AIG1: variants seen among roughly 807,000 people sequenced by gnomAD.
The protein encoded by AIG1 is androgen induced 1, also known as androgen-induced gene 1 protein.
A neutral mutation model predicts 31.4 loss-of-function variants in AIG1; 23 were observed. That is an observed-to-expected ratio of 0.73 (90% CI 0.53 to 1.04). AIG1 has a LOEUF of 1.04. Among genes scored for constraint, AIG1 ranks in the 50% least tolerant of loss-of-function variants. The pLI, the probability that AIG1 is intolerant of heterozygous loss-of-function variation, is 0.00. For missense variants in AIG1, 274 were observed against 295.0 expected (o/e 0.93, Z 0.52); for synonymous variants, 100 against 110.5 (o/e 0.90, Z 0.60).
chr6:143,304,437 C>A (rs570883185), intron 4 of AIG1, among the ~76,000 whole-genome samples: 1 of 151,784 alleles, frequency 6.6e-6, no homozygotes, highest in African/African-American at 2.4e-5. Context: ...TAGCATGAAG[C>A]GTTGTTGAAT....
intron 3 of AIG1, among the ~76,000 whole-genome samples, chr6:143,218,678 C>T (rs1042401113): frequency 1.3e-5 from 2 of 152,042 alleles, no homozygotes; most frequent in Admixed American, 6.6e-5. Flanking sequence ...TACAAGATGG[C>T]GATTCTTAAA....
chr6:143,169,615 C>T (rs1185135463), intron 3 of AIG1, among the ~76,000 whole-genome samples: 1 of 152,072 alleles, frequency 6.6e-6, no homozygotes, highest in Non-Finnish European at 1.5e-5. Flanking sequence ...GGCTACCCTT[C>T]CCAACCTCTA....
chr6:143,138,737 C>T (rs1344802018), intron 2 of AIG1, among the ~76,000 whole-genome samples: 1 of 151,728 alleles, frequency 6.6e-6, no homozygotes, highest in Non-Finnish European at 1.5e-5. Flanking sequence ...ACTAAAAATA[C>T]AAAAAATGAG....
intron 2 of AIG1, among the ~76,000 whole-genome samples, chr6:143,144,648 A>G (rs1485325005): frequency 3.9e-5 from 6 of 152,212 alleles, no homozygotes; most frequent in Admixed American, 2.6e-4. Context: ...TCACTCTTTC[A>G]CTTCATTCAA....
intron 3 of AIG1, among the ~76,000 whole-genome samples, chr6:143,211,827 A>T (rs1452210420): frequency 6.6e-6 from 1 of 151,630 alleles, no homozygotes; most frequent in Non-Finnish European, 1.5e-5. Context: ...CAGGATGTGG[A>T]GGTTGCAGTG....
chr6:143,261,729 G>C (rs1048183535), intron 3 of AIG1, among the ~76,000 whole-genome samples: 1 of 152,094 alleles, frequency 6.6e-6, no homozygotes, highest in African/African-American at 2.4e-5. Context: ...AGTTCACAAA[G>C]ATGGAAAGTT....
At chr6:143,204,621 GAACT>G (rs1383143723) in intron 3 of AIG1, among the ~76,000 whole-genome samples, 1 of 152,072 alleles carries the variant, frequency 6.6e-6, no homozygotes, top group African/African-American at 2.4e-5. Flanking sequence ...TCAAGCATAA[GAACT>G]AGATGCACCT....
intron 2 of AIG1, among the ~76,000 whole-genome samples, chr6:143,137,208 C>T (rs991082174): frequency 6.6e-6 from 1 of 152,214 alleles, no homozygotes; most frequent in Non-Finnish European, 1.5e-5. Context: ...GGGTTCGTTT[C>T]TTCTGAGGCC....
At chr6:143,295,281 C>T (rs552936729) in intron 4 of AIG1, among the ~76,000 whole-genome samples, 1 of 152,314 alleles carries the variant, frequency 6.6e-6, no homozygotes, top group Admixed American at 6.5e-5. Flanking sequence ...TATCTCTCCT[C>T]TCAACCACTG....
At chr6:143,212,765 T>A (rs1321016555) in intron 3 of AIG1, among the ~76,000 whole-genome samples, 1 of 152,148 alleles carries the variant, frequency 6.6e-6, no homozygotes, top group East Asian at 1.9e-4. Context: ...TGGCTCCTAT[T>A]CAGACCAAAA....
At chr6:143,061,905 T>C (rs368212481) in intron 1 of AIG1, among the ~76,000 whole-genome samples, 135 of 152,344 alleles carry the variant, frequency 8.9e-4, no homozygotes, top group African/African-American at 3.0e-3. Context: ...TGGATGGACC[T>C]AGGAATTTCA....
chr6:143,205,095 T>G (rs977384491), intron 3 of AIG1, among the ~76,000 whole-genome samples: 1 of 152,190 alleles, frequency 6.6e-6, no homozygotes, highest in Non-Finnish European at 1.5e-5. Flanking sequence ...ACCAAACACA[T>G]GTAGCACACC....
chr6:143,226,911 A>G (rs1040932936), intron 3 of AIG1, among the ~76,000 whole-genome samples: 4 of 151,920 alleles, frequency 2.6e-5, no homozygotes, highest in Admixed American at 2.0e-4. Context: ...CCCGCAGCCG[A>G]CATGCAGCCC....
intron 2 of AIG1, among the ~76,000 whole-genome samples, chr6:143,161,839 A>G (rs752800969): frequency 3.9e-5 from 6 of 152,194 alleles, no homozygotes; most frequent in Non-Finnish European, 7.3e-5. Flanking sequence ...TGCAGCTAAT[A>G]TCAGACTTAA....
intron 3 of AIG1, among the ~76,000 whole-genome samples, chr6:143,234,395 T>C (rs1249842874): frequency 2.0e-5 from 3 of 151,974 alleles, no homozygotes; most frequent in Non-Finnish European, 4.4e-5. Context: ...TAGATTAGAG[T>C]GATGAGTGAG....
chr6:143,228,070 A>G (rs980651846), intron 3 of AIG1, among the ~76,000 whole-genome samples: 3 of 152,208 alleles, frequency 2.0e-5, no homozygotes, highest in East Asian at 3.8e-4. Context: ...ACTGAACTGC[A>G]AAGTGGCAGT....
rs1362115625 is a variant in AIG1 at position 143,315,659 on chromosome 6, C to A, written c.516-17623C>A. 2.6e-5 allele frequency among the ~76,000 whole-genome samples: 4 copies of A among 152,038 alleles called. No homozygotes were observed. In the East Asian group the frequency reaches 7.7e-4, roughly 29 times the overall value. On this transcript the variant is annotated intron_variant, in intron 4 of 5. Transcript: ENST00000357847. ...CAAGTCATAAATCTTACACCTTTCA[C>A]AAAATTTAACCCAAAATGGATCATA... is the stretch of plus-strand genomic sequence containing the variant.
chr6:143,217,540 G>A (rs982990407), intron 3 of AIG1, among the ~76,000 whole-genome samples: 2 of 151,794 alleles, frequency 1.3e-5, no homozygotes, highest in East Asian at 1.9e-4. Flanking sequence ...ACAGAGTCTC[G>A]CTCTGTCGCC....
rs1777244624 is a variant in AIG1 at position 143,333,467 on chromosome 6, A to G, written c.679+22A>G. 1 of 1,608,526 alleles carries G rather than the reference A, an allele frequency of 6.2e-7. No homozygotes were observed. ...AAAAGTAAGTATTGTCTGAGGGAAC[A>G]TAAAACAAGAGAATTACTGCCGGCA... On this transcript the variant is annotated intron_variant, in intron 5 of 5. Coordinates refer to ENST00000357847, the MANE Select transcript of AIG1 (RefSeq NM_016108.4). This position sits in a 1 kb window ranked among gnomAD's most constrained non-coding sequence, Gnocchi z 4.6.
Sources: gnomAD v4.1 joint callset for allele counts (sites outside exome capture counted in the v4.1 genomes callset) on GRCh38, gnomAD v4.1.1 for gene constraint, Gnocchi (gnomAD v3.1) non-coding constraint, MANE v1.5 for transcripts, NCBI Gene and HGNC (gene_info 2026-07-23, HGNC 2026-07-21) for gene names.